EXOC6B: variants seen among roughly 807,000 people sequenced by gnomAD.
EXOC6B encodes the protein exocyst complex component 6B.
EXOC6B carries 54 observed loss-of-function variants against 113.5 expected under a neutral mutation model. The observed-to-expected ratio is 0.48, with a 90% confidence interval of 0.38 to 0.60. EXOC6B has a LOEUF of 0.60. Ranked by LOEUF, EXOC6B falls within the 20% of genes least tolerant of loss-of-function variation. The pLI is 0.00. For synonymous variants in EXOC6B, 357 were observed against 339.0 expected (o/e 1.05, Z -0.58); for missense variants, 797 against 977.5 (o/e 0.82, Z 2.46).
chr2:72,241,351 G>T (rs986199622), intron 20 of EXOC6B, among the ~76,000 whole-genome samples: 1 of 152,116 alleles, frequency 6.6e-6, no homozygotes, highest in African/African-American at 2.4e-5. Flanking sequence ...TATGAAAAAG[G>T]CAGAAAAGAT....
intron 1 of EXOC6B, chr2:72,760,734 A>G (rs183988061): frequency 2.6e-5 from 4 of 152,382 alleles, no homozygotes; most frequent in Admixed American, 2.6e-4. Context: ...GAAAAACTAA[A>G]CCAACAATAC....
chr2:72,673,565 G>A (rs1181904058), intron 6 of EXOC6B, among the ~76,000 whole-genome samples: 2 of 151,992 alleles, frequency 1.3e-5, no homozygotes, highest in East Asian at 3.9e-4. Context: ...ACCCTTCATT[G>A]TTAAAGTCTC....
rs533017205 is a variant in EXOC6B, at chr2:72,575,537, C to T, written c.801G>A (p.Gln267=). The change falls in exon 7 of 22, where the codon CAG becomes CAA. Residue 267 remains glutamine, a synonymous_variant. Transcript: ENST00000272427. ...CTTCAACATCCAGAATTCCTGAATC[C>T]TGTTCAGACTTCGGACTAGTACTTT... ...EIESTSPKSE[Q]DSGILDVEDE... is the part of the protein sequence containing the mutation. 1.4e-5 allele frequency: 23 copies of T among 1,609,652 alleles called. No individual in the cohort carries two copies. The highest frequency in any genetic ancestry group is 1.9e-5 in the Non-Finnish European group (22 of 1,178,612).
At chr2:72,610,304 T>C (rs1346110001) in intron 6 of EXOC6B, among the ~76,000 whole-genome samples, 2 of 152,214 alleles carry the variant, frequency 1.3e-5, no homozygotes, top group Non-Finnish European at 2.9e-5. Context: ...TGAAGAGAAC[T>C]ATTAAAATAG....
At chr2:72,778,688 T>C (rs769308544) in intron 1 of EXOC6B, among the ~76,000 whole-genome samples, 11 of 152,176 alleles carry the variant, frequency 7.2e-5, no homozygotes, top group Non-Finnish European at 1.2e-4. Flanking sequence ...AGCGAAGGAC[T>C]ACAAATCATG....
intron 20 of EXOC6B, among the ~76,000 whole-genome samples, chr2:72,185,661 T>G (rs1181430438): frequency 1.3e-5 from 2 of 152,186 alleles, no homozygotes; most frequent in East Asian, 3.9e-4. Flanking sequence ...CACTTCCTTC[T>G]GTTGACCCAA....
intron 18 of EXOC6B, among the ~76,000 whole-genome samples, chr2:72,389,948 G>T (rs1163164127): frequency 6.6e-6 from 1 of 151,958 alleles, no homozygotes. Context: ...AAGACATACT[G>T]TCTGTCCCCC....
rs1331132116 is a variant in EXOC6B, at chr2:72,179,323, C to T, written c.*12G>A. The T allele has an allele frequency of 1.8e-5, 28 of 1,592,036 alleles. No individual in the cohort carries two copies. The East Asian group carries it at 2.7e-4, about 15-fold the overall frequency. ...CTGCAGCAGGTCGCCTCTGTGGGTCCGGGGTCACCCTTCATGAGTGGTGGC... is the reference window on the plus strand; with the variant it reads ...CTGCAGCAGGTCGCCTCTGTGGGTCTGGGGTCACCCTTCATGAGTGGTGGC... On this transcript the variant is annotated 3_prime_UTR_variant, in exon 22 of 22. Coordinates refer to ENST00000272427, the MANE Select transcript of EXOC6B (RefSeq NM_015189.3).
At chr2:72,461,140 T>C (rs1697632681) in intron 18 of EXOC6B, among the ~76,000 whole-genome samples, 3 of 141,934 alleles carry the variant, frequency 2.1e-5, no homozygotes, top group South Asian at 4.5e-4. Context: ...TTCTCATTCA[T>C]AGGTGGGAAT....
At chr2:72,252,147 T>C (rs1167274392) in intron 20 of EXOC6B, among the ~76,000 whole-genome samples, 1 of 152,170 alleles carries the variant, frequency 6.6e-6, no homozygotes, top group Non-Finnish European at 1.5e-5. Flanking sequence ...CTGAGTAGTA[T>C]TAGGGCACAA....
chr2:72,595,303 A>G (rs1670010448), intron 6 of EXOC6B, among the ~76,000 whole-genome samples: 1 of 147,842 alleles, frequency 6.8e-6, no homozygotes, highest in Non-Finnish European at 1.5e-5. Flanking sequence ...ATCTATATAT[A>G]TATATGACAA....
At chr2:72,709,746 T>A (rs905314723) in intron 6 of EXOC6B, among the ~76,000 whole-genome samples, 2 of 152,116 alleles carry the variant, frequency 1.3e-5, no homozygotes, top group Admixed American at 1.3e-4. Context: ...CAAAATCAAA[T>A]TTCTAAGAAT....
chr2:72,595,180 G>C (rs1282987320), intron 6 of EXOC6B, among the ~76,000 whole-genome samples: 2 of 151,498 alleles, frequency 1.3e-5, no homozygotes, highest in Admixed American at 6.6e-5. Flanking sequence ...AGAATCACTT[G>C]AACTCAGGAG....
chr2:72,671,795 GA>G (rs1483889612), intron 6 of EXOC6B, among the ~76,000 whole-genome samples: 4 of 114,244 alleles, frequency 3.5e-5, no homozygotes, highest in Admixed American at 9.1e-5. Context: ...AAGAAAGAAA[GA>G]AAGAAAGAAA....
chr2:72,280,372 A>G (rs576069716), intron 20 of EXOC6B, among the ~76,000 whole-genome samples: 25 of 152,176 alleles, frequency 1.6e-4, no homozygotes, highest in Admixed American at 8.5e-4. Context: ...AGAAAATGTC[A>G]AGATAACACA....
chr2:72,718,029 T>C, intron 6 of EXOC6B, 74 bp downstream of exon 6: 1 of 1,122,232 alleles, frequency 8.9e-7, no homozygotes, highest in Non-Finnish European at 1.3e-6. Flanking sequence ...ACTAGACACT[T>C]GGCAAAGAGA....
At chr2:72,451,364 A>T (rs1428781262) in intron 18 of EXOC6B, among the ~76,000 whole-genome samples, 1 of 152,204 alleles carries the variant, frequency 6.6e-6, no homozygotes, top group Non-Finnish European at 1.5e-5. Context: ...CAAAGTAGTT[A>T]TCAAGATGAA....
chr2:72,614,350 G>A (rs1303235803), intron 6 of EXOC6B, among the ~76,000 whole-genome samples: 2 of 152,132 alleles, frequency 1.3e-5, no homozygotes, highest in Non-Finnish European at 2.9e-5. Context: ...CAGGGGCAGG[G>A]CAGGGAACCA....
rs546867905 is a variant in EXOC6B at position 72,825,941 on chromosome 2, C to A, written c.-31G>T. The stretch of plus-strand genomic sequence containing the variant: ...GGGGGCGCCCCGCAGCGCGTCCCCT[C>A]CGTCGGCTCGGCTCACCTTTTCCCT... On this transcript the variant is annotated 5_prime_UTR_variant, in exon 1 of 22. Coordinates refer to ENST00000272427, the MANE Select transcript of EXOC6B (RefSeq NM_015189.3). The surrounding 1 kb of genome is among the most constrained non-coding windows in gnomAD (Gnocchi z 4.4). The A allele has an allele frequency of 1.3e-5, 21 of 1,608,064 alleles. No individual in the cohort carries two copies. The South Asian group carries it at 2.0e-4, about 15-fold the overall frequency.
Sources: allele counts gnomAD v4.1 joint callset (sites outside exome capture counted in the v4.1 genomes callset), GRCh38; gene constraint gnomAD v4.1.1; non-coding constraint Gnocchi (gnomAD v3.1); transcripts MANE v1.5; gene names NCBI Gene and HGNC (gene_info 2026-07-23, HGNC 2026-07-21).